Variants in PTPRN2 observed in about 807,000 individuals in gnomAD.
PTPRN2 encodes the protein protein tyrosine phosphatase receptor type N2.
Under a neutral mutation model 118.8 loss-of-function variants are expected in PTPRN2, and 74 were observed. The ratio of observed to expected loss-of-function variants is 0.62; its 90% confidence interval spans 0.52 to 0.76. The LOEUF is 0.76. Among genes scored for constraint, PTPRN2 ranks in the 30% least tolerant of loss-of-function variants. PTPRN2 has a pLI of 0.00. For synonymous variants in PTPRN2, 641 were observed against 608.0 expected (o/e 1.05, Z -0.80); for missense variants, 1,481 against 1,394.4 (o/e 1.06, Z -0.99).
At chr7:158,441,983 G>A (rs62637547) in intron 2 of PTPRN2, among the ~76,000 whole-genome samples, 269 of 134,270 alleles carry the variant, frequency 2.0e-3, no homozygotes, top group Middle Eastern at 4.2e-3. Flanking sequence ...AGTGGTGGTG[G>A]TGGTGATAGT....
chr7:157,916,485 C>T (rs1009709515), intron 11 of PTPRN2, among the ~76,000 whole-genome samples: 1 of 152,232 alleles, frequency 6.6e-6, no homozygotes, highest in Non-Finnish European at 1.5e-5. Flanking sequence ...CCTCTAATTA[C>T]CTGTAATCCA....
chr7:158,117,827 G>A (rs1042867391), intron 9 of PTPRN2, among the ~76,000 whole-genome samples: 1 of 151,642 alleles, frequency 6.6e-6, no homozygotes, highest in Non-Finnish European at 1.5e-5. Flanking sequence ...CAACAAAATT[G>A]CACTTCAAAA....
chr7:157,681,595 A>C (rs748516017), intron 13 of PTPRN2, among the ~76,000 whole-genome samples: 1 of 152,206 alleles, frequency 6.6e-6, no homozygotes, highest in Non-Finnish European at 1.5e-5. Flanking sequence ...CTTGTGGTCA[A>C]TCTCTTTTAA....
intron 12 of PTPRN2, among the ~76,000 whole-genome samples, chr7:157,726,479 A>G (rs1355433164): frequency 1.3e-5 from 2 of 152,250 alleles, no homozygotes; most frequent in African/African-American, 4.8e-5. Context: ...GCGTGCGCTG[A>G]CTCACAGCGA....
chr7:158,559,219 G>T (rs1213542897), intron 1 of PTPRN2, among the ~76,000 whole-genome samples: 1 of 152,184 alleles, frequency 6.6e-6, no homozygotes, highest in Non-Finnish European at 1.5e-5. Flanking sequence ...GTATAAAAAT[G>T]AATTTCTATT....
intron 11 of PTPRN2, among the ~76,000 whole-genome samples, chr7:158,069,494 C>G (rs912869818): frequency 6.6e-6 from 1 of 151,590 alleles, no homozygotes; most frequent in Non-Finnish European, 1.5e-5. Context: ...ACCACACCCC[C>G]ACCTTCTCCA....
At chr7:157,633,863 T>C (rs930867702) in intron 14 of PTPRN2, among the ~76,000 whole-genome samples, 4 of 152,196 alleles carry the variant, frequency 2.6e-5, no homozygotes, top group African/African-American at 9.7e-5. Flanking sequence ...CACGGGAAGC[T>C]TTCATGAGTT....
At chr7:158,074,383 C>A (rs1812188065) in intron 11 of PTPRN2, among the ~76,000 whole-genome samples, 1 of 152,228 alleles carries the variant, frequency 6.6e-6, no homozygotes, top group Non-Finnish European at 1.5e-5. Flanking sequence ...GTGTTTCTAA[C>A]AGGTCCTCTG....
chr7:158,113,872 C>T (rs796309852), intron 9 of PTPRN2, among the ~76,000 whole-genome samples: 16 of 152,240 alleles, frequency 1.1e-4, no homozygotes, highest in African/African-American at 3.4e-4. Flanking sequence ...GGGCACAGGC[C>T]GCCTTCCACT....
At chr7:157,806,583 C>T (rs148372282) in intron 12 of PTPRN2, among the ~76,000 whole-genome samples, 164 of 151,988 alleles carry the variant, frequency 1.1e-3, no homozygotes, top group African/African-American at 3.8e-3. Context: ...CATGTATATG[C>T]GTGTACATCT....
intron 2 of PTPRN2, among the ~76,000 whole-genome samples, chr7:158,329,158 G>C (rs759547585): frequency 1.3e-5 from 2 of 152,212 alleles, no homozygotes; most frequent in African/African-American, 2.4e-5. Context: ...GGTGTGAGCC[G>C]GCAGTACTGA....
At chr7:157,892,243 A>G (rs762692040) in intron 12 of PTPRN2, among the ~76,000 whole-genome samples, 2 of 152,232 alleles carry the variant, frequency 1.3e-5, no homozygotes, top group Non-Finnish European at 2.9e-5. Context: ...AACTCTGGAC[A>G]CAACTGAGAA....
intron 12 of PTPRN2, among the ~76,000 whole-genome samples, chr7:157,884,483 C>CT (rs1245700671): frequency 1.3e-5 from 2 of 152,210 alleles, no homozygotes; most frequent in African/African-American, 2.4e-5. Context: ...CATGACAGGC[C>CT]TTGCCCTTGC....
chr7:157,966,206 AAC>A (rs1321456573), intron 11 of PTPRN2, among the ~76,000 whole-genome samples: 1 of 152,144 alleles, frequency 6.6e-6, no homozygotes, highest in Admixed American at 6.6e-5. Flanking sequence ...TTTATGAAGC[AAC>A]ACTGCTGTCC....
At chr7:158,523,474 C>CCCTGAAGCGGAG (rs1824405647) in intron 1 of PTPRN2, among the ~76,000 whole-genome samples, 1 of 46,708 alleles carries the variant, frequency 2.1e-5, no homozygotes, top group South Asian at 1.1e-3. Flanking sequence ...GAGTGGAGTC[C>CCCTGAAGCGGAG]TCTGCCCTGG....
At chr7:158,107,269 G>T (rs982754395) in intron 10 of PTPRN2, among the ~76,000 whole-genome samples, 24 of 152,074 alleles carry the variant, frequency 1.6e-4, no homozygotes, top group African/African-American at 5.8e-4. Flanking sequence ...GCACCCCTTA[G>T]AAGTCATCCA....
chr7:158,301,138 G>A (rs912411582), intron 3 of PTPRN2, among the ~76,000 whole-genome samples: 2 of 152,198 alleles, frequency 1.3e-5, no homozygotes, highest in African/African-American at 4.8e-5. Context: ...CGGAGATTGT[G>A]AAAGGAAACA....
chr7:158,444,816 T>C lies in PTPRN2; in HGVS notation c.163+44919A>G, dbSNP rs116850772. On this transcript the variant is annotated intron_variant, in intron 2 of 22. Coordinates refer to ENST00000389418, the MANE Select transcript of PTPRN2 (RefSeq NM_002847.5). ...GCCAGGTCCTCTCCTACGGCCATTTTTGGGATCCCAAGAAAGCCCCCAGTG... is the reference window on the plus strand; with the variant it reads ...GCCAGGTCCTCTCCTACGGCCATTTCTGGGATCCCAAGAAAGCCCCCAGTG... 3.8e-3 allele frequency among the ~76,000 whole-genome samples: 586 copies of C among 152,310 alleles called. 4 individuals are homozygous for C. Among genetic ancestry groups the C allele is most frequent in the African/African-American group, 0.013 (540 of 41,568 alleles).
At chr7:158,070,771 ATGGTGGAGGTGCCCGTGG>A (rs1811277905) in intron 11 of PTPRN2, among the ~76,000 whole-genome samples, 5 of 21,376 alleles carry the variant, frequency 2.3e-4, no homozygotes, top group Non-Finnish European at 2.6e-4. Flanking sequence ...GGAGGTGCTC[ATGGTGGAGGTGCCCGTGG>A]TGGTGGAGGT....
Sources: gnomAD v4.1 joint callset for allele counts (sites outside exome capture counted in the v4.1 genomes callset) on GRCh38, gnomAD v4.1.1 for gene constraint, MANE v1.5 for transcripts, NCBI Gene and HGNC (gene_info 2026-07-23, HGNC 2026-07-21) for gene names.